Variants in FREM1 observed in about 807,000 individuals in gnomAD.
The protein encoded by FREM1 is FRAS1 related extracellular matrix 1, also known as FRAS1-related extracellular matrix protein 1.
FREM1 carries 220 observed loss-of-function variants against 210.1 expected under a neutral mutation model. The observed-to-expected ratio is 1.05, with a 90% CI of 0.94 to 1.17. The LOEUF (loss-of-function observed/expected upper bound fraction) is 1.17. Ranked by LOEUF, FREM1 falls within the 50% of genes most tolerant of loss-of-function variation. The probability of loss-of-function intolerance (pLI) is 0.00; values close to 1 mark genes in which losing one functional copy is unlikely to be tolerated. For missense variants in FREM1, 3,454 were observed against 2,675.5 expected (o/e 1.29, Z -6.42); for synonymous variants, 1,189 against 980.2 (o/e 1.21, Z -3.98).
At chr9:14,822,308 G>A (rs533635562) in intron 13 of FREM1, among the ~76,000 whole-genome samples, 1 of 152,166 alleles carries the variant, frequency 6.6e-6, no homozygotes, top group African/African-American at 2.4e-5. Context: ...AGCCCTTTTA[G>A]GCCCTCAGGG....
At chr9:14,860,842 T>TAC (rs1554707617) in intron 3 of FREM1, among the ~76,000 whole-genome samples, 4 of 84,732 alleles carry the variant, frequency 4.7e-5, no homozygotes, top group African/African-American at 6.7e-5. Flanking sequence ...TACGTATATA[T>TAC]ACATATATAC....
At position 14,860,586 on chromosome 9, in the gene FREM1, T is replaced by TATATATATACACATATATATACAC. The variant is rs1416009459; in HGVS notation, c.330-1103_330-1102insGTGTATATATATGTGTATATATAT. On this transcript the variant is annotated intron_variant, in intron 3 of 36. Coordinates refer to ENST00000380880, the MANE Select transcript of FREM1 (RefSeq NM_001379081.2). ...ATATATATACACATATATATACACA[T>TATATATATACACATATATATACAC]ATATATACATATATACACATATATA... Among the ~76,000 whole-genome samples, 51 of 87,802 alleles carry TATATATATACACATATATATACAC rather than the reference T, an allele frequency of 5.8e-4. 4 individuals are homozygous for TATATATATACACATATATATACAC. Among genetic ancestry groups the TATATATATACACATATATATACAC allele is most frequent in the African/African-American group, 2.0e-3 (41 of 20,426 alleles). The allele number at this position is 87,802 out of a possible 152,430, so 57.6% of individuals were successfully genotyped here.
At chr9:14,775,739 T>A in intron 25 of FREM1, 50 bp downstream of exon 25, 6 of 878,644 alleles carry the variant, frequency 6.8e-6, no homozygotes, top group Non-Finnish European at 1.1e-5. Context: ...AAATTCTCGA[T>A]GTCACTGTTT....
chr9:14,895,905 C>A (rs778613473), intron 1 of FREM1, among the ~76,000 whole-genome samples: 2 of 152,020 alleles, frequency 1.3e-5, no homozygotes, highest in Non-Finnish European at 2.9e-5. Flanking sequence ...ATTAAGGATT[C>A]TCTTATAAAA....
chr9:14,757,505 A>T (rs1271788775), intron 28 of FREM1, among the ~76,000 whole-genome samples: 1 of 152,168 alleles, frequency 6.6e-6, no homozygotes, highest in Non-Finnish European at 1.5e-5. Flanking sequence ...CAGTGAGCCG[A>T]GATGGTGCCA....
At chr9:14,804,883 A>T (rs1818068728) in intron 19 of FREM1, 73 bp downstream of exon 19, 1 of 1,138,138 alleles carries the variant, frequency 8.8e-7, no homozygotes, top group East Asian at 2.4e-5. Context: ...ACTTGGAGCA[A>T]TGTAAATGGA....
intron 28 of FREM1, among the ~76,000 whole-genome samples, chr9:14,759,446 G>A (rs1845043647): frequency 6.6e-6 from 1 of 151,110 alleles, no homozygotes; most frequent in African/African-American, 2.4e-5. Context: ...GGAGGTGGAG[G>A]TTGCTGTGAG....
At chr9:14,738,911 G>A (rs1840905596) in intron 36 of FREM1, among the ~76,000 whole-genome samples, 1 of 150,412 alleles carries the variant, frequency 6.6e-6, no homozygotes. Context: ...TCAGGTGGCT[G>A]AGGGAGGAGA....
At chr9:14,772,855 G>A (rs1847832301) in intron 25 of FREM1, among the ~76,000 whole-genome samples, 1 of 152,194 alleles carries the variant, frequency 6.6e-6, no homozygotes, top group Non-Finnish European at 1.5e-5. Context: ...ATAGTTGAAT[G>A]TAGATGGTTG....
intron 25 of FREM1, chr9:14,774,270 A>AT (rs754843363): frequency 9.1e-6 from 4 of 440,362 alleles, no homozygotes; most frequent in Admixed American, 2.6e-5. Context: ...ACATCAGTAC[A>AT]TTTTGAGTAA....
chr9:14,860,738 CACAT>C, intron 3 of FREM1, among the ~76,000 whole-genome samples: 1 of 103,318 alleles, frequency 9.7e-6, no homozygotes, highest in South Asian at 2.6e-4. Flanking sequence ...CACATATATA[CACAT>C]ATATATGCAC....
intron 5 of FREM1, among the ~76,000 whole-genome samples, chr9:14,855,651 G>A (rs1828596577): frequency 6.6e-6 from 1 of 151,622 alleles, no homozygotes; most frequent in African/African-American, 2.4e-5. Flanking sequence ...TGCTTTCTGT[G>A]TTTTTTTTAA....
At chr9:14,755,493 G>C (rs1844168881) in intron 29 of FREM1, among the ~76,000 whole-genome samples, 1 of 152,134 alleles carries the variant, frequency 6.6e-6, no homozygotes, top group African/African-American at 2.4e-5. Flanking sequence ...CCACTCCCAA[G>C]CCCCCACATT....
intron 1 of FREM1, among the ~76,000 whole-genome samples, chr9:14,893,311 G>C (rs1334389649): frequency 2.6e-5 from 4 of 152,194 alleles, no homozygotes; most frequent in Admixed American, 6.5e-5. Context: ...CTATGAATTT[G>C]TCTTTCCATA....
At chr9:14,782,464 C>A (rs1849782567) in intron 24 of FREM1, 1 of 364,650 alleles carries the variant, frequency 2.7e-6, no homozygotes, top group Admixed American at 6.4e-5. Context: ...CTTCAGCAGA[C>A]TGTCCTGTGG....
chr9:14,805,332 G>A (rs1239522723), intron 18 of FREM1, among the ~76,000 whole-genome samples, 180 bp from the exon 19 acceptor site: 2 of 152,186 alleles, frequency 1.3e-5, no homozygotes, highest in Admixed American at 1.3e-4. Flanking sequence ...CATAAAGGCA[G>A]ATATCCACAG....
At position 14,824,845 on chromosome 9, in the gene FREM1, C is replaced by T; in HGVS notation, c.2029G>A (p.Glu677Lys). The T allele has an allele frequency of 6.2e-7, 1 of 1,613,314 alleles. No homozygotes were observed. Among genetic ancestry groups the T allele is most frequent in the Non-Finnish European group, 8.5e-7 (1 of 1,179,570 alleles). Residue 677 changes from glutamate to lysine, a missense_variant, in exon 11 of 37, where the codon GAG becomes AAG. Coordinates refer to ENST00000380880, the MANE Select transcript of FREM1 (RefSeq NM_001379081.2). ...HFIDSESYDR[E>K]LVYTITTPPF... ...GGAGTAGTTATTGTGTAGACCAGCT[C>T]CCTGTCATATGATTCTGAATCTATA... is the stretch of plus-strand genomic sequence containing the variant.
chr9:14,905,763 C>T (rs900149790), intron 1 of FREM1, among the ~76,000 whole-genome samples: 2 of 152,094 alleles, frequency 1.3e-5, no homozygotes, highest in African/African-American at 2.4e-5. Flanking sequence ...TGGCAGTGCA[C>T]GCCTGTAGTC....
intron 36 of FREM1, 62 bp downstream of exon 36, chr9:14,740,087 G>C (rs1418734200): frequency 9.9e-7 from 1 of 1,011,126 alleles, no homozygotes; most frequent in African/African-American, 1.6e-5. Context: ...CAGGGTGGTG[G>C]TGCCTGTTTG....
Sources: allele counts gnomAD v4.1 joint callset (sites outside exome capture counted in the v4.1 genomes callset), GRCh38; gene constraint gnomAD v4.1.1; transcripts MANE v1.5; gene names NCBI Gene and HGNC (gene_info 2026-07-23, HGNC 2026-07-21).